GDPD4: variants seen among roughly 807,000 people sequenced by gnomAD.
The protein encoded by GDPD4 is glycerophosphodiester phosphodiesterase 6.
In GDPD4, 60 loss-of-function variants were observed where a neutral mutation model predicts 67.8. That is an observed-to-expected ratio of 0.88 (90% CI 0.72 to 1.10). GDPD4 has a LOEUF of 1.10. GDPD4 is among the 50% of genes least tolerant of loss of function. The probability of loss-of-function intolerance (pLI) is 0.00; values close to 1 mark genes in which losing one functional copy is unlikely to be tolerated. For missense variants in GDPD4, 623 were observed against 613.9 expected, an observed-to-expected ratio of 1.01 and a Z score of -0.16; for synonymous variants, 212 against 210.9, an observed-to-expected ratio of 1.00 and a Z score of -0.04.
At chr11:77,221,360 T>G (rs1483064017) in intron 16 of GDPD4, among the ~76,000 whole-genome samples, 1 of 152,242 alleles carries the variant, frequency 6.6e-6, no homozygotes, top group Non-Finnish European at 1.5e-5. Context: ...CTTTCCCTTG[T>G]GGGCACCTAG....
intron 14 of GDPD4, 88 bp downstream of exon 14, chr11:77,232,937 G>A: frequency 8.3e-7 from 1 of 1,209,060 alleles, no homozygotes; most frequent in Non-Finnish European, 1.2e-6. Flanking sequence ...TGGCTGCCCA[G>A]GGGATGGCAC....
chr11:77,232,142 G>C (rs547989600), intron 14 of GDPD4, among the ~76,000 whole-genome samples: 33 of 152,260 alleles, frequency 2.2e-4, no homozygotes, highest in African/African-American at 7.9e-4. Context: ...TTGGAGTTTG[G>C]GTTATTACTT....
At chr11:77,263,193 C>T (rs988475814) in intron 10 of GDPD4, among the ~76,000 whole-genome samples, 2 of 151,880 alleles carry the variant, frequency 1.3e-5, no homozygotes, top group Non-Finnish European at 2.9e-5. Context: ...AAGAATAGTG[C>T]CAGAAATGAT....
intron 4 of GDPD4, 57 bp downstream of exon 4, chr11:77,279,249 G>A: frequency 1.8e-6 from 2 of 1,092,468 alleles, no homozygotes; most frequent in Admixed American, 1.7e-5. Flanking sequence ...CCACAGGCAG[G>A]AACACCTCAT....
At chr11:77,244,055 G>A (rs1156939526) in intron 12 of GDPD4, among the ~76,000 whole-genome samples, 2 of 152,070 alleles carry the variant, frequency 1.3e-5, no homozygotes, top group African/African-American at 4.8e-5. Context: ...TCGCTCTGTC[G>A]CCCAGGCTGG....
At chr11:77,281,051 T>C (rs1420888722) in intron 3 of GDPD4, among the ~76,000 whole-genome samples, 1 of 152,222 alleles carries the variant, frequency 6.6e-6, no homozygotes, top group East Asian at 1.9e-4. Context: ...CTCTCCGCTC[T>C]GGACCATTGT....
intron 16 of GDPD4, among the ~76,000 whole-genome samples, chr11:77,220,129 A>G (rs896099453): frequency 3.3e-5 from 5 of 152,132 alleles, no homozygotes; most frequent in African/African-American, 7.2e-5. Flanking sequence ...GGGTTTTCTA[A>G]ATATACAATC....
At chr11:77,294,770 C>T (rs1418608974) in intron 1 of GDPD4, among the ~76,000 whole-genome samples, 3 of 151,914 alleles carry the variant, frequency 2.0e-5, no homozygotes, top group Non-Finnish European at 2.9e-5. Context: ...ACCAAGATAG[C>T]GTGGAATCAG....
chr11:77,241,354 C>T (rs1004006650), intron 13 of GDPD4, among the ~76,000 whole-genome samples: 5 of 152,158 alleles, frequency 3.3e-5, no homozygotes, highest in Non-Finnish European at 5.9e-5. Context: ...CACATGGTCT[C>T]CCTTACGTGT....
At chr11:77,266,090 G>A (rs564114445) in intron 10 of GDPD4, among the ~76,000 whole-genome samples, 31 of 152,068 alleles carry the variant, frequency 2.0e-4, no homozygotes, top group African/African-American at 7.5e-4. Flanking sequence ...TTCTAGATTT[G>A]GGCTATTACA....
At chr11:77,222,080 A>C (rs1025134061) in intron 16 of GDPD4, among the ~76,000 whole-genome samples, 11 of 152,112 alleles carry the variant, frequency 7.2e-5, no homozygotes, top group African/African-American at 7.2e-5. Flanking sequence ...TGCTTGGTAG[A>C]TCTTCCTCCC....
chr11:77,242,563 G>A (rs1337552289), intron 13 of GDPD4, among the ~76,000 whole-genome samples: 1 of 151,972 alleles, frequency 6.6e-6, no homozygotes, highest in Admixed American at 6.5e-5. Context: ...GCTAGGCCAG[G>A]TCTAGCAAAC....
At position 77,227,019 on chromosome 11, in the gene GDPD4, G is replaced by C. The variant is rs183516938; in HGVS notation, c.1525+845C>G. Among the ~76,000 whole-genome samples the C allele has an allele frequency of 2.0e-3, 303 of 152,250 alleles. 1 individual carries two copies. Among genetic ancestry groups the C allele is most frequent in the Middle Eastern group, 3.4e-3 (1 of 294 alleles). The stretch of plus-strand genomic sequence containing the variant: ...AAATTAAATTCATGATTTTGTGACT[G>C]TTCCAACTTTAATTAAGTCTCCAGG... On this transcript the variant is annotated intron_variant, in intron 16 of 16. Transcript: ENST00000315938.
chr11:77,216,929 T>A lies in GDPD4; in HGVS notation c.*348A>T. 1 of 701,056 alleles carries A rather than the reference T, an allele frequency of 1.4e-6. No individual in the cohort carries two copies. Among genetic ancestry groups the A allele is most frequent in the Non-Finnish European group, 2.6e-6 (1 of 384,234 alleles). The allele number at this position is 701,056 out of a possible 1,614,324, so 43.4% of individuals were successfully genotyped here. ...TTCAGCCATGGGGATCTCTTAGAGG[T>A]CTCTTATTTAAGGATAGGGGACCTC... On this transcript the variant is annotated 3_prime_UTR_variant, in exon 17 of 17. Coordinates refer to ENST00000315938, the MANE Select transcript of GDPD4 (RefSeq NM_182833.3).
At chr11:77,273,777 A>G (rs1959325329) in intron 5 of GDPD4, among the ~76,000 whole-genome samples, 1 of 152,234 alleles carries the variant, frequency 6.6e-6, no homozygotes, top group Admixed American at 6.5e-5. Flanking sequence ...TATAGAAGAA[A>G]TAATAAAAGA....
At chr11:77,220,088 C>T (rs1958198079) in intron 16 of GDPD4, among the ~76,000 whole-genome samples, 1 of 152,192 alleles carries the variant, frequency 6.6e-6, no homozygotes, top group East Asian at 1.9e-4. Flanking sequence ...AGTTGCTGAT[C>T]AGCTTAAGGA....
chr11:77,265,935 TTCAC>T (rs1959176081), intron 10 of GDPD4, among the ~76,000 whole-genome samples: 1 of 152,180 alleles, frequency 6.6e-6, no homozygotes, highest in Admixed American at 6.5e-5. Context: ...ACTGGCTTTA[TTCAC>T]TCAAAGTAAC....
In GDPD4 at chr11:77,248,103, A is replaced by C. The variant is rs1175377062; in HGVS notation, c.865-2601T>G. Among the ~76,000 whole-genome samples, 6 of 151,798 alleles carry C rather than the reference A, an allele frequency of 4.0e-5. No individual in the cohort carries two copies. In the East Asian group the frequency reaches 1.2e-3, roughly 29 times the overall value. On this transcript the variant is annotated intron_variant, in intron 11 of 16. Coordinates refer to ENST00000315938, the MANE Select transcript of GDPD4 (RefSeq NM_182833.3). ...AAAGAAAGAAATAGAAGGACAATTA[A>C]ACCTGTCCAATGATGCCACATCAAG...
intron 3 of GDPD4, among the ~76,000 whole-genome samples, chr11:77,284,730 T>A (rs967359406): frequency 3.3e-5 from 5 of 152,004 alleles, no homozygotes; most frequent in African/African-American, 1.2e-4. Flanking sequence ...GGGATAGAGA[T>A]CATGAAGACC....
Sources: gnomAD v4.1 joint callset for allele counts (sites outside exome capture counted in the v4.1 genomes callset) on GRCh38, gnomAD v4.1.1 for gene constraint, MANE v1.5 for transcripts, NCBI Gene and HGNC (gene_info 2026-07-23, HGNC 2026-07-21) for gene names.